Variants in CLSTN3 observed in about 807,000 individuals in gnomAD.
The protein encoded by CLSTN3 is calsyntenin 3, also known as calsyntenin-3.
A neutral mutation model predicts 95.9 loss-of-function variants in CLSTN3; 36 were observed. That is an observed-to-expected ratio of 0.38 (90% CI 0.29 to 0.50). The LOEUF is 0.50. Among genes scored for constraint, CLSTN3 ranks in the 20% least tolerant of loss-of-function variants. The probability of loss-of-function intolerance (pLI) is 0.95; values close to 1 mark genes in which losing one functional copy is unlikely to be tolerated. For synonymous variants in CLSTN3, 481 were observed against 504.0 expected (o/e 0.95, Z 0.61); for missense variants, 1,084 against 1,268.8 (o/e 0.85, Z 2.21).
intron 12 of CLSTN3, among the ~76,000 whole-genome samples, chr12:7,148,154 C>CAAAAAGAAAGAAAG (rs1939653509): frequency 1.0e-5 from 1 of 99,120 alleles, no homozygotes; most frequent in African/African-American, 3.5e-5. Flanking sequence ...GAAACTCCAT[C>CAAAAAGAAAGAAAG]AAAAAGAAAG....
rs771985838 is a variant in CLSTN3, at chr12:7,153,432, G to A, written c.2527+2369G>A. On this transcript the variant is annotated intron_variant, in intron 16 of 17. Transcript: ENST00000266546. ...AGTGCTGGGATTACAGGTGTGAGCC[G>A]CCGCACTTGGACTTGCAGACGCCTT... 2.6e-5 allele frequency among the ~76,000 whole-genome samples: 4 copies of A among 152,238 alleles called. No individual in the cohort carries two copies. The East Asian group carries it at 5.8e-4, about 22-fold the overall frequency.
In CLSTN3 at chr12:7,136,959, G is replaced by C. The variant is rs1315391447; in HGVS notation, c.1059G>C (p.Gln353His). 1 of 1,614,212 alleles carries C rather than the reference G, an allele frequency of 6.2e-7. No homozygotes were observed. Among genetic ancestry groups the C allele is most frequent in the African/African-American group, 1.3e-5 (1 of 75,066 alleles). The change falls in exon 7 of 18, where the codon CAG (glutamine) becomes CAC (histidine). Residue 353 changes from glutamine (Q) to histidine (H), a missense_variant. Physicochemically the swap from Gln to His is conservative, Grantham distance 24. Transcript: ENST00000266546. ...IYWFNGTQAV[Q>H]VPLGGPSGLG... ...GGTTCAATGGCACCCAGGCTGTGCA[G>C]GTGCCCCTGGGTGGCCCCAGTGGGC...
chr12:7,146,642 C>T (rs1305984743), intron 12 of CLSTN3, among the ~76,000 whole-genome samples: 1 of 152,148 alleles, frequency 6.6e-6, no homozygotes, highest in Non-Finnish European at 1.5e-5. Flanking sequence ...TAACCTCTCC[C>T]TCCTCTGAAC....
rs998897552 is a variant in CLSTN3 at position 7,149,452 on chromosome 12, G to A, written c.2075-71G>A. The stretch of plus-strand genomic sequence containing the variant: ...GGAAAGGGAGGGAGAGTGGTGATGA[G>A]GGCATGGTTGGGTCTCAGAACCTCC... On this transcript the variant is annotated intron_variant, in intron 13 of 17. Coordinates refer to ENST00000266546, the MANE Select transcript of CLSTN3 (RefSeq NM_014718.4). The surrounding 1 kb of genome is among the most constrained non-coding windows in gnomAD (Gnocchi z 4.5). 1.2e-5 allele frequency: 17 copies of A among 1,427,998 alleles called. No individual in the cohort carries two copies. The African/African-American group carries it at 2.1e-4, about 18-fold the overall frequency. The allele number at this position is 1,427,998 out of a possible 1,614,324, so 88.5% of individuals were successfully genotyped here. A position where few individuals can be genotyped will look rare whatever the true frequency, so the allele number is the denominator to read the frequency against.
In CLSTN3 at chr12:7,141,673, C is replaced by CT. The variant is rs899643405; in HGVS notation, c.1486+275dup. Reference sequence around the variant, plus strand: ...TCTCTGTAACTCCAGCCAGTTTCCACTTTTTTCCATCAAAGTGATGATGAC... The same window carrying CT: ...TCTCTGTAACTCCAGCCAGTTTCCACTTTTTTTCCATCAAAGTGATGATGAC... On this transcript the variant is annotated intron_variant, in intron 9 of 17. Transcript: ENST00000266546. The surrounding 1 kb of genome is among the most constrained non-coding windows in gnomAD (Gnocchi z 4.1). Among the ~76,000 whole-genome samples the CT allele has an allele frequency of 3.3e-5, 5 of 152,318 alleles. No individual in the cohort carries two copies. The highest frequency in any genetic ancestry group is 2.1e-4 in the South Asian group (1 of 4,822).
At chr12:7,131,705 C>T (rs2167285) in intron 1 of CLSTN3, 264,174 of 450,242 alleles carry the variant, frequency 0.59, 78,857 homozygotes, top group East Asian at 0.77. Context: ...TGCCCTTCCA[C>T]CGCTCTCTCT....
chr12:7,129,438 A>G (rs760562160), upstream of CLSTN3: 1 of 179,278 alleles, frequency 5.6e-6, no homozygotes, highest in Admixed American at 6.4e-5. The surrounding 1 kb of genome is among the most constrained non-coding windows in gnomAD (Gnocchi z 5.5). Context: ...GGTCCTAAAG[A>G]GCCATTAGGA....
intron 1 of CLSTN3, among the ~76,000 whole-genome samples, chr12:7,132,025 T>C (rs1437043087): frequency 6.6e-6 from 1 of 151,236 alleles, no homozygotes; most frequent in Non-Finnish European, 1.5e-5. Flanking sequence ...AGAGCAAGCG[T>C]GGAGGCTGGG....
chr12:7,143,777 G>C (rs1180183592), intron 12 of CLSTN3, among the ~76,000 whole-genome samples: 1 of 152,158 alleles, frequency 6.6e-6, no homozygotes, highest in Non-Finnish European at 1.5e-5. Flanking sequence ...GGCAGTCCTA[G>C]GCCAAATCTG....
Position 7,136,204 on chromosome 12 carries a change from A to G in CLSTN3, c.743-2A>G, listed in dbSNP as rs775797020. ...ATCACCCTCTCTGTCTCACCCATGC[A>G]GGCTGGAACAAAAGGATCGAATATG... On this transcript the variant is annotated splice_acceptor_variant, in intron 5 of 17. Transcript: ENST00000266546. LOFTEE classifies it high-confidence loss of function. 6.2e-7 allele frequency: 1 copy of G among 1,613,308 alleles called. No homozygotes were observed.
chr12:7,152,657 TAACA>T (rs1301071709), intron 16 of CLSTN3, among the ~76,000 whole-genome samples: 2 of 152,200 alleles, frequency 1.3e-5, no homozygotes, highest in Admixed American at 1.3e-4. Flanking sequence ...ATAATAATTA[TAACA>T]AACACAGGGT....
At chr12:7,140,406 G>A (rs1012171964) in intron 8 of CLSTN3, among the ~76,000 whole-genome samples, 5 of 152,210 alleles carry the variant, frequency 3.3e-5, no homozygotes, top group Middle Eastern at 3.4e-3. Context: ...TATAACTATG[G>A]TACCCAAACC....
intron 5 of CLSTN3, 82 bp downstream of exon 5, chr12:7,136,035 G>A: frequency 6.5e-7 from 1 of 1,531,054 alleles, no homozygotes. Flanking sequence ...CAATCATGGG[G>A]GCCAGGCTAG....
rs775089191 is a variant in CLSTN3 at position 7,149,724 on chromosome 12, G to A, written c.2245+31G>A. The A allele has an allele frequency of 1.3e-6, 2 of 1,594,966 alleles. No individual in the cohort carries two copies. Among genetic ancestry groups the A allele is most frequent in the Non-Finnish European group, 8.6e-7 (1 of 1,167,368 alleles). ...TGGGGCCTGAGGGCCTGTCCTCTGTGTGTGTGTGCCCCTCCCAAAAAGTAA... is the reference window on the plus strand; with the variant it reads ...TGGGGCCTGAGGGCCTGTCCTCTGTATGTGTGTGCCCCTCCCAAAAAGTAA... On this transcript the variant is annotated intron_variant, in intron 14 of 17. Transcript: ENST00000266546. The surrounding 1 kb of genome is among the most constrained non-coding windows in gnomAD (Gnocchi z 4.5).
chr12:7,141,142 G>A lies in CLSTN3; in HGVS notation c.1324-100G>A, dbSNP rs1939517834. 2 of 1,281,492 alleles carry A rather than the reference G, an allele frequency of 1.6e-6. No homozygotes were observed. The highest frequency in any genetic ancestry group is 1.1e-6 in the Non-Finnish European group (1 of 921,170). The allele number at this position is 1,281,492 out of a possible 1,614,324, so 79.4% of individuals were successfully genotyped here. A position where few individuals can be genotyped will look rare whatever the true frequency, so the allele number is the denominator to read the frequency against. ...CCCTGTTGGTAGAACTGGGAATAAA[G>A]GGACTGTCCCCTGTCTCCCAGGAGA... On this transcript the variant is annotated intron_variant, in intron 8 of 17. Coordinates refer to ENST00000266546, the MANE Select transcript of CLSTN3 (RefSeq NM_014718.4). This position sits in a 1 kb window ranked among gnomAD's most constrained non-coding sequence, Gnocchi z 4.1.
chr12:7,155,375 C>T (rs1247584737), intron 16 of CLSTN3, among the ~76,000 whole-genome samples: 1 of 152,216 alleles, frequency 6.6e-6, no homozygotes, highest in Non-Finnish European at 1.5e-5. Context: ...ATTGTCCTGG[C>T]AATCAACTTG....
chr12:7,139,886 C>T (rs964535521), intron 8 of CLSTN3, among the ~76,000 whole-genome samples: 2 of 152,248 alleles, frequency 1.3e-5, no homozygotes, highest in South Asian at 4.1e-4. Context: ...TGACGTGATC[C>T]ACCCACCTTG....
intron 12 of CLSTN3, among the ~76,000 whole-genome samples, chr12:7,148,186 AAGAAAGAAAGAAAG>A (rs1939658100): frequency 7.6e-6 from 1 of 131,896 alleles, no homozygotes; most frequent in Non-Finnish European, 1.7e-5. Context: ...GAAAGAAAGA[AAGAAAGAAAGAAAG>A]AAAGAAAGAA....
intron 8 of CLSTN3, among the ~76,000 whole-genome samples, chr12:7,139,926 G>A (rs1359528862): frequency 2.0e-5 from 3 of 152,160 alleles, no homozygotes; most frequent in African/African-American, 7.2e-5. Flanking sequence ...TTACAGGCGT[G>A]AGCCACTGCG....
Sources: allele counts gnomAD v4.1 joint callset (sites outside exome capture counted in the v4.1 genomes callset), GRCh38; gene constraint gnomAD v4.1.1; non-coding constraint Gnocchi (gnomAD v3.1); transcripts MANE v1.5; gene names NCBI Gene and HGNC (gene_info 2026-07-23, HGNC 2026-07-21).